The following GALR3 variants were observed in gnomAD, a reference collection of about 807,000 sequenced individuals.
GALR3 encodes galanin receptor type 3.
GALR3 carries 5 observed loss-of-function variants against 6.9 expected under a neutral mutation model. The observed-to-expected ratio is 0.72, with a 90% CI of 0.38 to 1.52. The LOEUF is 1.52. Ranked by LOEUF, GALR3 falls within the 40% of genes most tolerant of loss-of-function variation. The pLI is 0.03. For synonymous variants in GALR3, 308 were observed against 263.6 expected (o/e 1.17, Z -1.63); for missense variants, 570 against 545.6 (o/e 1.04, Z -0.44).
chr22:37,823,807 C>CGGGGGGGGGCTGGGGTGTGGGGGG, intron 1 of GALR3, 42 bp downstream of exon 1: 2 of 603,998 alleles, frequency 3.3e-6, no homozygotes, highest in Non-Finnish European at 6.0e-6. Flanking sequence ...GCTGTGGGGG[C>CGGGGGGGGGCTGGGGTGTGGGGGG]GGGGGTTGGG....
chr22:37,825,301 G>T lies in GALR3; in HGVS notation c.938G>T (p.Arg313Leu). The change falls in exon 2 of 2, where the codon CGC becomes CTC. Residue 313 changes from arginine (R) to leucine (L), a missense_variant. Arg to Leu is a moderately radical substitution (Grantham distance 102). Transcript: ENST00000249041. ...RRLWPCGRRR[R>L]HRARRALRRV... ...CTGTGGCCGTGCGGCCGCCGACGCCGCCACCGTGCCCGCCGCGCCTTGCGT... is the reference window on the plus strand; with the variant it reads ...CTGTGGCCGTGCGGCCGCCGACGCCTCCACCGTGCCCGCCGCGCCTTGCGT... 1 of 1,254,858 alleles carries T rather than the reference G, an allele frequency of 8.0e-7. No homozygotes were observed. Among genetic ancestry groups the T allele is most frequent in the Non-Finnish European group, 1.0e-6 (1 of 1,003,746 alleles). 77.7% of individuals were successfully genotyped at this position (1,254,858 alleles called of 1,614,324 possible).
In GALR3 at chr22:37,825,289, G is replaced by GC. The variant is rs1569088256; in HGVS notation, c.928dup (p.Arg310ProfsTer31). On this transcript the variant is annotated frameshift_variant, in exon 2 of 2. Coordinates refer to ENST00000249041, the MANE Select transcript of GALR3 (RefSeq NM_003614.2). LOFTEE classifies it low-confidence loss of function (END_TRUNC). ...CGCTTCCGCCGCCTGTGGCCGTGCG[G>GC]CCGCCGACGCCGCCACCGTGCCCGC... is the stretch of plus-strand genomic sequence containing the variant. 7.9e-7 allele frequency: 1 copy of GC among 1,265,600 alleles called. No homozygotes were observed. The highest frequency in any genetic ancestry group is 9.9e-7 in the Non-Finnish European group (1 of 1,006,658). 78.4% of individuals were successfully genotyped at this position (1,265,600 alleles called of 1,614,324 possible).
At position 37,824,709 on chromosome 22, in the gene GALR3, G is replaced by A; in HGVS notation, c.360-14G>A. 1 of 1,200,740 alleles carries A rather than the reference G, an allele frequency of 8.3e-7. No homozygotes were observed. The highest frequency in any genetic ancestry group is 1.0e-6 in the Non-Finnish European group (1 of 967,838). The allele number at this position is 1,200,740 out of a possible 1,614,324, so 74.4% of individuals were successfully genotyped here. On this transcript the variant is annotated splice_polypyrimidine_tract_variant and intron_variant, in intron 1 of 1. Coordinates refer to ENST00000249041, the MANE Select transcript of GALR3 (RefSeq NM_003614.2). ...GGGCACCTGCCCGCCCCGCTGACCAGGCGCCCTCCGCAGGTACCTGGCCGT... is the reference window on the plus strand; with the variant it reads ...GGGCACCTGCCCGCCCCGCTGACCAAGCGCCCTCCGCAGGTACCTGGCCGT...
chr22:37,823,979 C>A (rs867339648), intron 1 of GALR3, among the ~76,000 whole-genome samples: 1 of 152,200 alleles, frequency 6.6e-6, no homozygotes, highest in Admixed American at 6.5e-5. Context: ...TTCCCCTCCT[C>A]CACTGTGAAC....
intron 1 of GALR3, 114 bp from the exon 2 acceptor site, chr22:37,824,609 C>A: frequency 1.9e-6 from 1 of 526,054 alleles, no homozygotes; most frequent in Non-Finnish European, 2.7e-6. Flanking sequence ...ATCCCCGCCA[C>A]GTCCCCCACG....
intron 1 of GALR3, among the ~76,000 whole-genome samples, chr22:37,824,348 G>T (rs1922531825): frequency 6.6e-6 from 1 of 152,044 alleles, no homozygotes; most frequent in Non-Finnish European, 1.5e-5. Context: ...GGGATTACAG[G>T]CGTGAGCCAC....
intron 1 of GALR3, 131 bp from the exon 2 acceptor site, chr22:37,824,592 A>C (rs1601709762): frequency 2.5e-6 from 1 of 403,722 alleles, no homozygotes; most frequent in Non-Finnish European, 3.9e-6. Flanking sequence ...GCGCGTTCAC[A>C]CCCTTAATCC....
At position 37,823,631 on chromosome 22, in the gene GALR3, C is replaced by G. The variant is rs369816084; in HGVS notation, c.225C>G (p.Cys75Trp). ...AVADLCFILC[C>W]VPFQATIYTL... ...CTGACCTCTGCTTCATCCTGTGCTG[C>G]GTGCCCTTCCAGGCCACCATCTACA... is the stretch of plus-strand genomic sequence containing the variant. The change falls in exon 1 of 2, where the codon TGC (cysteine) becomes TGG (tryptophan). Residue 75 changes from cysteine (C) to tryptophan (W), a missense_variant. Cys to Trp is a radical substitution (Grantham distance 215). Transcript: ENST00000249041. The G allele has an allele frequency of 4.3e-6, 7 of 1,613,292 alleles. No homozygotes were observed. The East Asian group carries it at 1.6e-4, about 36-fold the overall frequency.
chr22:37,823,520 G>A lies in GALR3; in HGVS notation c.114G>A (p.Val38=). ...FLLGTVGNGL[V]LAVLLQPGPS... is the part of the protein sequence containing the mutation. Reference sequence around the variant, plus strand: ...TGGGCACAGTGGGCAATGGGCTGGTGCTGGCAGTGCTCCTGCAGCCTGGCC... The same window carrying A: ...TGGGCACAGTGGGCAATGGGCTGGTACTGGCAGTGCTCCTGCAGCCTGGCC... The change falls in exon 1 of 2, where the codon GTG becomes GTA. Residue 38 remains valine, a synonymous_variant. Coordinates refer to ENST00000249041, the MANE Select transcript of GALR3 (RefSeq NM_003614.2). The A allele has an allele frequency of 1.2e-6, 2 of 1,614,018 alleles. No homozygotes were observed. Among genetic ancestry groups the A allele is most frequent in the Non-Finnish European group, 1.7e-6 (2 of 1,179,980 alleles).
rs1442964626 is a variant in GALR3 at position 37,825,068 on chromosome 22, C to T, written c.705C>T (p.Arg235=). ...ARRRATGRAG[R]AMLAVAALYA... The stretch of plus-strand genomic sequence containing the variant: ...GGAGGGCGACGGGCCGCGCGGGGCG[C>T]GCCATGCTGGCGGTGGCCGCGCTCT... Residue 235 remains arginine (R), a synonymous_variant, in exon 2 of 2, where the codon CGC becomes CGT. Transcript: ENST00000249041. The T allele has an allele frequency of 9.6e-6, 11 of 1,143,920 alleles. No homozygotes were observed. Among genetic ancestry groups the T allele is most frequent in the Non-Finnish European group, 1.1e-5 (10 of 930,750 alleles). 70.9% of individuals were successfully genotyped at this position (1,143,920 alleles called of 1,614,324 possible).
At position 37,825,072 on chromosome 22, in the gene GALR3, ATGCTGGCGGTGGCCGCGCTCTACGCGCTC is replaced by A. The variant is rs1322366221; in HGVS notation, c.716_744del (p.Ala239GlyfsTer92). Reference sequence around the variant, plus strand: ...GGCGACGGGCCGCGCGGGGCGCGCCATGCTGGCGGTGGCCGCGCTCTACGCGCTCTGCTGGGGTCCGCACCACGCGCTCA... The same window carrying A: ...GGCGACGGGCCGCGCGGGGCGCGCCATGCTGGGGTCCGCACCACGCGCTCA... On this transcript the variant is annotated frameshift_variant, in exon 2 of 2. Coordinates refer to ENST00000249041, the MANE Select transcript of GALR3 (RefSeq NM_003614.2). LOFTEE classifies it low-confidence loss of function (END_TRUNC). The A allele has an allele frequency of 8.7e-7, 1 of 1,152,676 alleles. No individual in the cohort carries two copies. Among genetic ancestry groups the A allele is most frequent in the Non-Finnish European group, 1.1e-6 (1 of 935,618 alleles). The allele number at this position is 1,152,676 out of a possible 1,614,324, so 71.4% of individuals were successfully genotyped here.
intron 1 of GALR3, among the ~76,000 whole-genome samples, chr22:37,824,089 G>A (rs183927473): frequency 2.0e-5 from 3 of 151,124 alleles, no homozygotes; most frequent in Admixed American, 2.0e-4. Flanking sequence ...GCTCACGAAT[G>A]CGTTCATCAG....
At chr22:37,824,099 GT>G (rs984114999) in intron 1 of GALR3, among the ~76,000 whole-genome samples, 2 of 145,682 alleles carry the variant, frequency 1.4e-5, no homozygotes, top group Middle Eastern at 3.2e-3. Context: ...GCGTTCATCA[GT>G]TTTTTTGTTT....
chr22:37,824,633 G>C (rs1165818700), intron 1 of GALR3, 90 bp from the exon 2 acceptor site: 2 of 753,336 alleles, frequency 2.7e-6, no homozygotes, highest in East Asian at 9.5e-5. Context: ...CACAGGAGGC[G>C]CACTGGGCCG....
Position 37,824,791 on chromosome 22 carries a change from TG to T in GALR3, c.432del (p.Leu145TrpfsTer56). ...ACGCCGCGTAACGCCCGCGCCGCAGTGGGGCTGGTGTGGCTGCTGGCGGCGC... is the reference window on the plus strand; with the variant it reads ...ACGCCGCGTAACGCCCGCGCCGCAGTGGGCTGGTGTGGCTGCTGGCGGCGC... ...LRTPRNARAAVGLVWLLAALF... is the reference protein window; with the variant it reads ...LRTPRNARAAXGLVWLLAALF... On this transcript the variant is annotated frameshift_variant, in exon 2 of 2. Transcript: ENST00000249041. LOFTEE classifies it low-confidence loss of function (END_TRUNC). The T allele has an allele frequency of 7.5e-7, 1 of 1,332,424 alleles. No homozygotes were observed. Among genetic ancestry groups the T allele is most frequent in the Non-Finnish European group, 9.6e-7 (1 of 1,040,108 alleles). 82.5% of individuals were successfully genotyped at this position (1,332,424 alleles called of 1,614,324 possible). A position where few individuals can be genotyped will look rare whatever the true frequency, so the allele number is the denominator to read the frequency against.
In GALR3 at chr22:37,823,504, TG is replaced by T. The variant is rs1241234733; in HGVS notation, c.101del (p.Gly34AlafsTer167). ...VFALIFLLGT[V>X]GNGLVLAVLL... ...GCCCTAATCTTCCTGCTGGGCACAG[TG>T]GGCAATGGGCTGGTGCTGGCAGTGC... is the stretch of plus-strand genomic sequence containing the variant. On this transcript the variant is annotated frameshift_variant, in exon 1 of 2. Transcript: ENST00000249041. LOFTEE classifies it high-confidence loss of function. The T allele has an allele frequency of 7.1e-6, 11 of 1,550,574 alleles. No individual in the cohort carries two copies. The African/African-American group carries it at 1.4e-4, about 20-fold the overall frequency.
At chr22:37,824,359 C>T (rs906689674) in intron 1 of GALR3, among the ~76,000 whole-genome samples, 7 of 152,026 alleles carry the variant, frequency 4.6e-5, no homozygotes, top group Admixed American at 3.3e-4. Context: ...CGTGAGCCAC[C>T]GCGCCCAGCC....
rs770173447 is a variant in GALR3, at chr22:37,825,274, G to T, written c.911G>T (p.Arg304Leu). 7.5e-7 allele frequency: 1 copy of T among 1,338,592 alleles called. No homozygotes were observed. Among genetic ancestry groups the T allele is most frequent in the Non-Finnish European group, 9.6e-7 (1 of 1,042,930 alleles). The allele number at this position is 1,338,592 out of a possible 1,614,324, so 82.9% of individuals were successfully genotyped here. ...CGCCACTTCCGCGCGCGCTTCCGCC[G>T]CCTGTGGCCGTGCGGCCGCCGACGC... Reference protein sequence around the residue: ...ASRHFRARFRRLWPCGRRRRH... With the variant: ...ASRHFRARFRLLWPCGRRRRH... The change falls in exon 2 of 2, where the codon CGC (arginine) becomes CTC (leucine). Residue 304 changes from arginine (R) to leucine (L), a missense_variant. Physicochemically the swap from Arg to Leu is moderately radical, Grantham distance 102 (BLOSUM62 -2). Transcript: ENST00000249041.
chr22:37,823,861 A>G, intron 1 of GALR3, 96 bp downstream of exon 1: 1 of 695,742 alleles, frequency 1.4e-6, no homozygotes, highest in Non-Finnish European at 2.4e-6. Context: ...GGAAGGAGAG[A>G]GTGGGGGACC....
Sources: gnomAD v4.1 joint callset for allele counts (sites outside exome capture counted in the v4.1 genomes callset) on GRCh38, gnomAD v4.1.1 for gene constraint, MANE v1.5 for transcripts, NCBI Gene and HGNC (gene_info 2026-07-23, HGNC 2026-07-21) for gene names.